The following TSPAN5 variants were observed in gnomAD, a reference collection of about 807,000 sequenced individuals.
The protein encoded by TSPAN5 is tetraspanin 5, also known as tetraspanin-5.
In TSPAN5, 10 loss-of-function variants were observed where a neutral mutation model predicts 37.1. The observed-to-expected ratio is 0.27, with a 90% CI of 0.17 to 0.46. TSPAN5 has a LOEUF of 0.46. TSPAN5 is among the 20% of genes least tolerant of loss of function. The pLI is 1.00. For missense variants in TSPAN5, 195 were observed against 326.6 expected (o/e 0.60, Z 3.11); for synonymous variants, 110 against 118.9 (o/e 0.93, Z 0.48).
chr4:98,621,885 T>A (rs72908162), intron 1 of TSPAN5, among the ~76,000 whole-genome samples: 27,221 of 151,096 alleles, frequency 0.18, 2,594 homozygotes, highest in Middle Eastern at 0.23. Context: ...ATACAATATG[T>A]GGCCTTTTGT....
At chr4:98,630,426 GTATT>G (rs953007877) in intron 1 of TSPAN5, among the ~76,000 whole-genome samples, 36 of 152,308 alleles carry the variant, frequency 2.4e-4, no homozygotes, top group Middle Eastern at 3.4e-3. Context: ...GTTTATGTGT[GTATT>G]TATTTATATG....
chr4:98,555,069 A>G (rs923171797), intron 1 of TSPAN5, among the ~76,000 whole-genome samples: 4 of 152,196 alleles, frequency 2.6e-5, no homozygotes, highest in Non-Finnish European at 4.4e-5. Flanking sequence ...ATGTGAACAC[A>G]AGAGAGCTAA....
chr4:98,520,856 C>A (rs1439722971), intron 1 of TSPAN5, among the ~76,000 whole-genome samples: 1 of 148,336 alleles, frequency 6.7e-6, no homozygotes, highest in Non-Finnish European at 1.5e-5. Context: ...ATTAGCCATT[C>A]ATGGAATCGG....
chr4:98,573,071 G>A (rs1321198919), intron 1 of TSPAN5, among the ~76,000 whole-genome samples: 1 of 152,166 alleles, frequency 6.6e-6, no homozygotes, highest in African/African-American at 2.4e-5. Context: ...GGAGAAAGAG[G>A]ATATTGAGAG....
intron 1 of TSPAN5, among the ~76,000 whole-genome samples, chr4:98,530,314 A>G (rs772533359): frequency 3.9e-5 from 6 of 152,364 alleles, no homozygotes; most frequent in Admixed American, 6.5e-5. Context: ...GTTGCTCATC[A>G]GCCTGTGCCA....
intron 2 of TSPAN5, among the ~76,000 whole-genome samples, chr4:98,503,636 G>A (rs1247839200): frequency 6.6e-6 from 1 of 152,180 alleles, no homozygotes; most frequent in Non-Finnish European, 1.5e-5. Flanking sequence ...CTTTGCTGTG[G>A]GAACCATTAA....
chr4:98,644,188 C>T (rs1757015209), intron 1 of TSPAN5, among the ~76,000 whole-genome samples: 1 of 151,902 alleles, frequency 6.6e-6, no homozygotes, highest in Non-Finnish European at 1.5e-5. Context: ...GTTGAAAACA[C>T]TTATTTTAAA....
chr4:98,632,275 A>G (rs926604750), intron 1 of TSPAN5, among the ~76,000 whole-genome samples: 2 of 151,904 alleles, frequency 1.3e-5, no homozygotes, highest in Non-Finnish European at 2.9e-5. Context: ...GCACATCTGT[A>G]TATGCTGCCA....
At chr4:98,657,418 G>C (rs1363773338) in intron 1 of TSPAN5, 1 of 152,164 alleles carries the variant, frequency 6.6e-6, no homozygotes, top group African/African-American at 2.4e-5. Flanking sequence ...CTTTAAAAAT[G>C]AGGACGTGGG....
At chr4:98,510,639 GA>G (rs1249932000) in intron 1 of TSPAN5, among the ~76,000 whole-genome samples, 1 of 151,988 alleles carries the variant, frequency 6.6e-6, no homozygotes, top group South Asian at 2.1e-4. Flanking sequence ...AGAGGAGAGA[GA>G]AAAAAAGTAG....
At chr4:98,571,878 T>A (rs1755129880) in intron 1 of TSPAN5, among the ~76,000 whole-genome samples, 1 of 152,218 alleles carries the variant, frequency 6.6e-6, no homozygotes, top group African/African-American at 2.4e-5. Context: ...ACAGTGAACC[T>A]CCAAAATTTC....
intron 1 of TSPAN5, among the ~76,000 whole-genome samples, chr4:98,621,486 G>C (rs957557989): frequency 6.7e-6 from 1 of 149,786 alleles, no homozygotes; most frequent in African/African-American, 2.5e-5. Flanking sequence ...TCCTGCCTCA[G>C]CCTCCCGAGT....
chr4:98,598,390 C>T (rs1451529695), intron 1 of TSPAN5, among the ~76,000 whole-genome samples: 1 of 150,924 alleles, frequency 6.6e-6, no homozygotes, highest in African/African-American at 2.4e-5. Flanking sequence ...CAGAAATCAC[C>T]CGTCTTCTGC....
At chr4:98,605,586 A>G (rs1422344546) in intron 1 of TSPAN5, among the ~76,000 whole-genome samples, 1 of 152,228 alleles carries the variant, frequency 6.6e-6, no homozygotes, top group African/African-American at 2.4e-5. Context: ...TCCATAGTAT[A>G]CTGAAGTTCA....
Position 98,507,664 on chromosome 4 carries a change from G to T in TSPAN5, c.132+14C>A. The T allele has an allele frequency of 6.2e-7, 1 of 1,601,850 alleles. No individual in the cohort carries two copies. The highest frequency in any genetic ancestry group is 8.5e-7 in the Non-Finnish European group (1 of 1,172,328). On this transcript the variant is annotated intron_variant, in intron 2 of 7. Transcript: ENST00000305798. ...ACAACCACGATGTGTGCATTGTCATGATATTCAACTTACTTTTTCATTCCA... is the reference window on the plus strand; with the variant it reads ...ACAACCACGATGTGTGCATTGTCATTATATTCAACTTACTTTTTCATTCCA...
At chr4:98,598,016 G>T (rs1491001843) in intron 1 of TSPAN5, among the ~76,000 whole-genome samples, 2 of 94,620 alleles carry the variant, frequency 2.1e-5, no homozygotes, top group Non-Finnish European at 3.9e-5. Flanking sequence ...CTGGGCAATG[G>T]CGGGCGCCCC....
At chr4:98,473,435 T>C (rs1230157481) in intron 7 of TSPAN5, among the ~76,000 whole-genome samples, 1 of 152,072 alleles carries the variant, frequency 6.6e-6, no homozygotes, top group African/African-American at 2.4e-5. Flanking sequence ...TGGCATCTTT[T>C]CATGTGCTTA....
chr4:98,574,473 T>A (rs921168389), intron 1 of TSPAN5: 1 of 152,246 alleles, frequency 6.6e-6, no homozygotes, highest in Non-Finnish European at 1.5e-5. Context: ...GCACTAGGTC[T>A]TACAATGAAT....
At chr4:98,619,969 C>T (rs1291651957) in intron 1 of TSPAN5, among the ~76,000 whole-genome samples, 2 of 152,150 alleles carry the variant, frequency 1.3e-5, no homozygotes, top group East Asian at 1.9e-4. Flanking sequence ...CATATTATTG[C>T]ATTGAGTACT....
Sources: gnomAD v4.1 joint callset for allele counts (sites outside exome capture counted in the v4.1 genomes callset) on GRCh38, gnomAD v4.1.1 for gene constraint, MANE v1.5 for transcripts, NCBI Gene and HGNC (gene_info 2026-07-23, HGNC 2026-07-21) for gene names.